Variants in PPARGC1A observed in about 807,000 individuals in gnomAD.
PPARGC1A encodes peroxisome proliferator-activated receptor gamma coactivator 1-alpha.
In PPARGC1A, 25 loss-of-function variants were observed where a neutral mutation model predicts 88.7. The ratio of observed to expected loss-of-function variants is 0.28; its 90% CI spans 0.21 to 0.39. The LOEUF (loss-of-function observed/expected upper bound fraction) is 0.39, where lower values mean the gene tolerates loss of function less well. PPARGC1A is among the 10% of genes least tolerant of loss of function. The pLI, the probability that PPARGC1A is intolerant of heterozygous loss-of-function variation, is 1.00. For synonymous variants in PPARGC1A, 363 were observed against 355.6 expected (o/e 1.02, Z -0.24); for missense variants, 880 against 968.7 (o/e 0.91, Z 1.22).
chr4:23,879,892 C>A (rs187268543), intron 2 of PPARGC1A: 6 of 152,208 alleles, frequency 3.9e-5, no homozygotes, highest in Admixed American at 3.3e-4. Flanking sequence ...CAAACTTACT[C>A]CCACTACTGC....
the PPARGC1A span, among the ~76,000 whole-genome samples, chr4:24,107,923 T>C: frequency 1.3e-5 from 2 of 152,158 alleles, no homozygotes; most frequent in African/African-American, 4.8e-5. Context: ...TTTATTAGGT[T>C]TGCCAAGTAG....
At chr4:24,194,671 C>CACACAT in the PPARGC1A span, among the ~76,000 whole-genome samples, 1 of 147,962 alleles carries the variant, frequency 6.8e-6, no homozygotes, top group African/African-American at 2.5e-5. Flanking sequence ...CACACACACC[C>CACACAT]CCATCAAGAA....
chr4:23,934,566 G>A, the PPARGC1A span, among the ~76,000 whole-genome samples: 7 of 152,292 alleles, frequency 4.6e-5, no homozygotes, highest in East Asian at 1.4e-3. Context: ...TCATGAAGGA[G>A]ATTTTGATCT....
chr4:23,911,708 T>A, the PPARGC1A span, among the ~76,000 whole-genome samples: 1 of 152,192 alleles, frequency 6.6e-6, no homozygotes, highest in African/African-American at 2.4e-5. Flanking sequence ...TAAGTCAATA[T>A]GAATTTCACC....
the PPARGC1A span, among the ~76,000 whole-genome samples, chr4:24,168,374 A>G: frequency 6.6e-6 from 1 of 152,156 alleles, no homozygotes; most frequent in South Asian, 2.1e-4. Flanking sequence ...CTTCCACCAC[A>G]TCACAACTTT....
the PPARGC1A span, among the ~76,000 whole-genome samples, chr4:24,080,247 A>G: frequency 1.3e-5 from 2 of 152,150 alleles, no homozygotes; most frequent in African/African-American, 4.8e-5. Flanking sequence ...CTGTTTTTCC[A>G]GTACAGAGTC....
the PPARGC1A span, among the ~76,000 whole-genome samples, chr4:24,030,877 C>T: frequency 6.6e-6 from 1 of 152,202 alleles, no homozygotes; most frequent in African/African-American, 2.4e-5. Flanking sequence ...CTCACTCATT[C>T]TTCCAACAAA....
At chr4:24,172,105 C>T in the PPARGC1A span, among the ~76,000 whole-genome samples, 1 of 152,108 alleles carries the variant, frequency 6.6e-6, no homozygotes, top group Non-Finnish European at 1.5e-5. Flanking sequence ...GCAAAAACTA[C>T]CATCTAGTAT....
At chr4:24,342,201 G>A in the PPARGC1A span, among the ~76,000 whole-genome samples, 4 of 152,220 alleles carry the variant, frequency 2.6e-5, no homozygotes, top group South Asian at 4.1e-4. Context: ...CTTATTGACT[G>A]AACTTCTGCT....
the PPARGC1A span, among the ~76,000 whole-genome samples, chr4:24,456,458 C>T: frequency 3.3e-5 from 5 of 152,054 alleles, no homozygotes; most frequent in Non-Finnish European, 7.4e-5. Flanking sequence ...GCTTGATATT[C>T]CATACGATAT....
chr4:24,472,171 C>A, the PPARGC1A span, among the ~76,000 whole-genome samples: 1 of 152,120 alleles, frequency 6.6e-6, no homozygotes, highest in Non-Finnish European at 1.5e-5. The surrounding 1 kb of genome is among the most constrained non-coding windows in gnomAD (Gnocchi z 4.5). Context: ...AGGAACGCGA[C>A]AGAACCTGGA....
In PPARGC1A at chr4:23,889,232, G is replaced by T. The variant is rs184124506; in HGVS notation, c.54+672C>A. 2.1e-4 allele frequency: 209 copies of T among 985,394 alleles called. 3 individuals are homozygous for T. The East Asian group carries it at 0.017, about 82-fold the overall frequency. 61.0% of individuals were successfully genotyped at this position (985,394 alleles called of 1,614,324 possible). On this transcript the variant is annotated intron_variant, in intron 1 of 12. Coordinates refer to ENST00000264867, the MANE Select transcript of PPARGC1A (RefSeq NM_013261.5). ...CAGGCAGCTCTCCGTGGTACAGGAA[G>T]ATTTAACCATTGGCTTCCCTGCCAC...
the PPARGC1A span, among the ~76,000 whole-genome samples, chr4:24,083,673 T>A: frequency 1.3e-5 from 2 of 152,140 alleles, no homozygotes; most frequent in African/African-American, 4.8e-5. Context: ...ACAGTTCACC[T>A]CTGTTGAACC....
the PPARGC1A span, among the ~76,000 whole-genome samples, chr4:23,935,814 C>A: frequency 6.6e-6 from 1 of 152,046 alleles, no homozygotes; most frequent in African/African-American, 2.4e-5. Flanking sequence ...ATCCAAACCT[C>A]ATGTTCTTAA....
chr4:23,933,849 A>C, the PPARGC1A span, among the ~76,000 whole-genome samples: 1 of 152,220 alleles, frequency 6.6e-6, no homozygotes, highest in Non-Finnish European at 1.5e-5. Flanking sequence ...TGGGCAAAGC[A>C]ACTCGGTCTT....
the PPARGC1A span, among the ~76,000 whole-genome samples, chr4:24,280,850 C>T: frequency 1.3e-5 from 2 of 152,244 alleles, no homozygotes; most frequent in African/African-American, 4.8e-5. Context: ...CATTTCTCAA[C>T]AGCAACTTCT....
chr4:23,970,335 C>A, the PPARGC1A span, among the ~76,000 whole-genome samples: 2 of 152,226 alleles, frequency 1.3e-5, no homozygotes, highest in Non-Finnish European at 2.9e-5. Flanking sequence ...GGCTTTACCA[C>A]TAGAGCTGAG....
chr4:24,077,422 G>A, the PPARGC1A span, among the ~76,000 whole-genome samples: 1 of 152,050 alleles, frequency 6.6e-6, no homozygotes, highest in Non-Finnish European at 1.5e-5. Context: ...CCATGGCAAT[G>A]GGAGGCAGTG....
the PPARGC1A span, among the ~76,000 whole-genome samples, chr4:24,165,338 T>A: frequency 1.3e-5 from 2 of 152,166 alleles, no homozygotes; most frequent in Non-Finnish European, 2.9e-5. Context: ...AAAATAAAAC[T>A]AATCTTTGTA....
Sources: gnomAD v4.1 joint callset for allele counts (sites outside exome capture counted in the v4.1 genomes callset) on GRCh38, gnomAD v4.1.1 for gene constraint, Gnocchi (gnomAD v3.1) non-coding constraint, MANE v1.5 for transcripts, NCBI Gene and HGNC (gene_info 2026-07-23, HGNC 2026-07-21) for gene names.